NR3C2: variants seen among roughly 807,000 people sequenced by gnomAD.
The protein encoded by NR3C2 is mineralocorticoid receptor.
Under a neutral mutation model 86.4 loss-of-function variants are expected in NR3C2, and 15 were observed. The observed-to-expected ratio is 0.17, with a 90% confidence interval of 0.12 to 0.27. The LOEUF is 0.27. NR3C2 is among the 10% of genes least tolerant of loss of function. The pLI, the probability that NR3C2 is intolerant of heterozygous loss-of-function variation, is 1.00. For synonymous variants in NR3C2, 458 were observed against 450.5 expected (o/e 1.02, Z -0.21); for missense variants, 960 against 1,195.6 (o/e 0.80, Z 2.91).
intron 2 of NR3C2, among the ~76,000 whole-genome samples, chr4:148,332,350 T>C (rs1010110425): frequency 2.0e-5 from 3 of 152,220 alleles, no homozygotes; most frequent in Non-Finnish European, 4.4e-5. Context: ...TTCAATCTTT[T>C]AGGAGGACAT....
chr4:148,400,689 A>C (rs1256077213), intron 2 of NR3C2, among the ~76,000 whole-genome samples: 1 of 150,228 alleles, frequency 6.7e-6, no homozygotes, highest in East Asian at 2.0e-4. Flanking sequence ...TAGGCAGGAG[A>C]ACTGCATGAA....
rs1331831899 is a variant in NR3C2 at position 148,260,027 on chromosome 4, C to T, written c.1848G>A (p.Gly616=). 2.2e-5 allele frequency: 35 copies of T among 1,613,990 alleles called. No homozygotes were observed. The highest frequency in any genetic ancestry group is 2.9e-5 in the Non-Finnish European group (34 of 1,180,024). ...CTTTGCAGCTGCCACAGGTGACTAC[C>T]CCATAATGGCATCCTGAAGCCTCAT... The part of the protein sequence containing the change: ...CGDEASGCHY[G]VVTCGSCKVF... The change falls in exon 3 of 9, where the codon GGG becomes GGA. Residue 616 remains glycine, a synonymous_variant. Coordinates refer to ENST00000358102, the MANE Select transcript of NR3C2 (RefSeq NM_000901.5).
chr4:148,297,846 G>A (rs147277222), intron 2 of NR3C2, among the ~76,000 whole-genome samples: 4,464 of 150,408 alleles, frequency 0.03, 97 homozygotes, highest in African/African-American at 0.062. Context: ...CTGAGATTGC[G>A]CCATTGCACT....
chr4:148,363,531 T>C (rs962136640), intron 2 of NR3C2, among the ~76,000 whole-genome samples: 14 of 105,848 alleles, frequency 1.3e-4, no homozygotes, highest in African/African-American at 4.7e-4. Context: ...TGAGACGGAG[T>C]GTCGCTCTTT....
intron 2 of NR3C2, among the ~76,000 whole-genome samples, chr4:148,322,985 C>A (rs1276983720): frequency 1.3e-5 from 2 of 150,360 alleles, no homozygotes; most frequent in South Asian, 2.1e-4. Context: ...TTTTTCTGTT[C>A]TGTTTTTTCC....
At chr4:148,387,780 T>C (rs999708001) in intron 2 of NR3C2, among the ~76,000 whole-genome samples, 3 of 152,232 alleles carry the variant, frequency 2.0e-5, no homozygotes, top group African/African-American at 7.2e-5. Flanking sequence ...GACAGCATCA[T>C]CCAATATATG....
chr4:148,246,339 A>C (rs1284777157), intron 3 of NR3C2, among the ~76,000 whole-genome samples: 1 of 152,240 alleles, frequency 6.6e-6, no homozygotes, highest in African/African-American at 2.4e-5. Flanking sequence ...ATTGTTTACA[A>C]GGTGAAAATG....
chr4:148,148,018 C>T (rs1733946392), intron 6 of NR3C2, among the ~76,000 whole-genome samples: 2 of 151,684 alleles, frequency 1.3e-5, no homozygotes, highest in Non-Finnish European at 1.5e-5. Flanking sequence ...ACATTTTTAA[C>T]TTTAGTCAGG....
rs533970411 is a variant in NR3C2 at position 148,285,760 on chromosome 4, A to C, written c.1758-25643T>G. Among the ~76,000 whole-genome samples, 5 of 152,278 alleles carry C rather than the reference A, an allele frequency of 3.3e-5. No individual in the cohort carries two copies. In the East Asian group the frequency reaches 9.6e-4, roughly 29 times the overall value. ...AACTTCCTCCATTGGCACACAATGCAACTGCTTCCCTGTCTTGTACATGTG... is the reference window on the plus strand; with the variant it reads ...AACTTCCTCCATTGGCACACAATGCCACTGCTTCCCTGTCTTGTACATGTG... On this transcript the variant is annotated intron_variant, in intron 2 of 8. Transcript: ENST00000358102.
intron 8 of NR3C2, among the ~76,000 whole-genome samples, chr4:148,089,177 T>A (rs1208121841): frequency 2.0e-5 from 3 of 152,172 alleles, no homozygotes; most frequent in Admixed American, 2.0e-4. Flanking sequence ...GAAAATCTCA[T>A]CAGGGAAAAA....
intron 2 of NR3C2, among the ~76,000 whole-genome samples, chr4:148,324,344 T>A (rs1161020399): frequency 1.1e-5 from 1 of 88,798 alleles, no homozygotes; most frequent in African/African-American, 5.2e-5. Flanking sequence ...TGTGTGTGTG[T>A]GTGTGTGTGT....
chr4:148,292,355 T>C (rs1455051609), intron 2 of NR3C2, among the ~76,000 whole-genome samples: 3 of 152,064 alleles, frequency 2.0e-5, no homozygotes, highest in Non-Finnish European at 1.5e-5. Flanking sequence ...AAATGCTACC[T>C]GGCATATATT....
At chr4:148,246,225 G>A (rs755507092) in intron 3 of NR3C2, among the ~76,000 whole-genome samples, 1 of 152,140 alleles carries the variant, frequency 6.6e-6, no homozygotes, top group African/African-American at 2.4e-5. Flanking sequence ...ACACCTTTCT[G>A]CATAATAATA....
chr4:148,337,376 G>T (rs561848203), intron 2 of NR3C2, among the ~76,000 whole-genome samples: 1 of 152,026 alleles, frequency 6.6e-6, no homozygotes, highest in Admixed American at 6.5e-5. Context: ...CCTAAGTCAA[G>T]TTGACTGTTG....
chr4:148,239,101 A>C (rs1205196902), intron 3 of NR3C2, among the ~76,000 whole-genome samples: 2 of 152,202 alleles, frequency 1.3e-5, no homozygotes, highest in Non-Finnish European at 2.9e-5. Context: ...CTAGAGAGGG[A>C]CAGGCAGATT....
intron 2 of NR3C2, among the ~76,000 whole-genome samples, chr4:148,415,100 C>A (rs1165098461): frequency 1.3e-5 from 2 of 152,182 alleles, no homozygotes; most frequent in South Asian, 2.1e-4. Flanking sequence ...CCTATTTACT[C>A]AGTTAACTTT....
chr4:148,361,279 T>C (rs558379252), intron 2 of NR3C2, among the ~76,000 whole-genome samples: 1 of 152,312 alleles, frequency 6.6e-6, no homozygotes, highest in South Asian at 2.1e-4. Context: ...ATAAGAATCC[T>C]CAACATCAGA....
At chr4:148,152,290 G>A in intron 6 of NR3C2, 179 bp downstream of exon 6, 1 of 610,822 alleles carries the variant, frequency 1.6e-6, no homozygotes. Flanking sequence ...GAAGCATACA[G>A]TATAATGTTG....
chr4:148,330,302 G>A (rs991420691), intron 2 of NR3C2, among the ~76,000 whole-genome samples: 32 of 152,192 alleles, frequency 2.1e-4, no homozygotes, highest in African/African-American at 3.6e-4. Context: ...CACAATTGAC[G>A]ACGCCTCTGG....
Sources: allele counts gnomAD v4.1 joint callset (sites outside exome capture counted in the v4.1 genomes callset), GRCh38; gene constraint gnomAD v4.1.1; transcripts MANE v1.5; gene names NCBI Gene and HGNC (gene_info 2026-07-23, HGNC 2026-07-21).